The following THBS4 variants were observed in gnomAD, a reference collection of about 807,000 sequenced individuals.
The protein encoded by THBS4 is thrombospondin 4, also known as thrombospondin-4.
THBS4 carries 90 observed loss-of-function variants against 115.7 expected under a neutral mutation model. The observed-to-expected ratio is 0.78, with a 90% confidence interval of 0.66 to 0.93. The LOEUF (loss-of-function observed/expected upper bound fraction) is 0.93, where lower values mean the gene tolerates loss of function less well. Ranked by LOEUF, THBS4 falls within the 40% of genes least tolerant of loss-of-function variation. The probability of loss-of-function intolerance (pLI) is 0.00; values close to 1 mark genes in which losing one functional copy is unlikely to be tolerated. For synonymous variants in THBS4, 460 were observed against 479.3 expected, an observed-to-expected ratio of 0.96 and a Z score of 0.53; for missense variants, 1,087 against 1,232.7, an observed-to-expected ratio of 0.88 and a Z score of 1.77.
intron 16 of THBS4, 106 bp from the exon 17 acceptor site, chr5:80,077,943 G>A (rs1038556626): frequency 1.0e-6 from 1 of 967,542 alleles, no homozygotes; most frequent in Non-Finnish European, 1.4e-6. Flanking sequence ...GGCCCTGGTT[G>A]TGGGAGCTTG....
intron 2 of THBS4, among the ~76,000 whole-genome samples, chr5:80,050,048 C>T (rs909682939): frequency 6.6e-6 from 1 of 152,146 alleles, no homozygotes; most frequent in Non-Finnish European, 1.5e-5. Context: ...TAACCCTGCA[C>T]AATAACCAGC....
chr5:80,022,298 T>G (rs1484738275), intron 2 of THBS4, among the ~76,000 whole-genome samples: 1 of 152,184 alleles, frequency 6.6e-6, no homozygotes, highest in Non-Finnish European at 1.5e-5. Context: ...TACCCCAAGT[T>G]TTTAGTTATT....
chr5:80,058,938 T>A (rs1833528556), intron 5 of THBS4, 148 bp downstream of exon 5: 1 of 695,776 alleles, frequency 1.4e-6, no homozygotes, highest in Non-Finnish European at 2.4e-6. Context: ...GCCAGGGCTC[T>A]GCTGGAAGTT....
chr5:80,015,188 C>T (rs1219743021), intron 2 of THBS4, among the ~76,000 whole-genome samples: 1 of 152,246 alleles, frequency 6.6e-6, no homozygotes, highest in Non-Finnish European at 1.5e-5. Context: ...CCCTATCATA[C>T]TTTTCCTTTT....
chr5:80,063,374 G>T (rs1192947081), intron 8 of THBS4, among the ~76,000 whole-genome samples: 2 of 152,110 alleles, frequency 1.3e-5, no homozygotes, highest in Non-Finnish European at 2.9e-5. Flanking sequence ...TTTTGATGGG[G>T]TTGTTTGATT....
At chr5:80,055,736 C>T in intron 2 of THBS4, 49 bp from the exon 3 acceptor site, 1 of 1,576,034 alleles carries the variant, frequency 6.3e-7, no homozygotes, top group South Asian at 1.2e-5. Flanking sequence ...CCCTCCACTT[C>T]CCCCTCTGCC....
chr5:80,034,415 T>G (rs1832646393), upstream of THBS4, among the ~76,000 whole-genome samples: 2 of 152,258 alleles, frequency 1.3e-5, no homozygotes, highest in Admixed American at 1.3e-4. Context: ...AGCAATACTT[T>G]GCTGGATGTT....
chr5:80,015,895 A>G (rs1011273516), intron 2 of THBS4, among the ~76,000 whole-genome samples: 15 of 152,246 alleles, frequency 9.9e-5, no homozygotes, highest in African/African-American at 3.6e-4. Flanking sequence ...CCTGGCAAGT[A>G]CATTCTTAGA....
rs184447454 is a variant in THBS4 at position 80,082,725 on chromosome 5, A to G, written c.2824+180A>G. ...AGATCACATTTATCCTATTTTATCC[A>G]TGTGGAAATTAAGACCCATAGAATT... is the stretch of plus-strand genomic sequence containing the variant. On this transcript the variant is annotated intron_variant, in intron 21 of 21. Transcript: ENST00000350881. 5.8e-4 allele frequency among the ~76,000 whole-genome samples: 88 copies of G among 152,354 alleles called. No individual in the cohort carries two copies. In the East Asian group the frequency reaches 8.1e-3, roughly 14 times the overall value.
rs558661039 is a variant in THBS4 at position 80,070,699 on chromosome 5, T to C, written c.1509T>C (p.Ile503=). The change falls in exon 12 of 22, where the codon ATT becomes ATC. Residue 503 remains isoleucine (I), a synonymous_variant. Coordinates refer to ENST00000350881, the MANE Select transcript of THBS4 (RefSeq NM_003248.6). ...AAGAAGATGCAGACAGAGATGGCATTGGCGACGCTTGTGACGAGGATGCTG... is the reference window on the plus strand; with the variant it reads ...AAGAAGATGCAGACAGAGATGGCATCGGCGACGCTTGTGACGAGGATGCTG... ...SGQEDADRDG[I]GDACDEDADG... 2.0e-4 allele frequency: 318 copies of C among 1,614,188 alleles called. 5 individuals carry two copies. In the South Asian group the frequency reaches 3.4e-3, roughly 17 times the overall value.
intron 10 of THBS4, among the ~76,000 whole-genome samples, chr5:80,069,080 C>G (rs1833941158): frequency 6.6e-6 from 1 of 152,234 alleles, no homozygotes; most frequent in African/African-American, 2.4e-5. Flanking sequence ...CTCCTCTGCA[C>G]TTCCTGGGAT....
Position 80,078,204 on chromosome 5 carries a change from C to T in THBS4, c.2242C>T (p.Pro748Ser). 1 of 1,600,530 alleles carries T rather than the reference C, an allele frequency of 6.2e-7. No homozygotes were observed. Residue 748 changes from proline (P) to serine (S), a missense_variant, in exon 17 of 22, where the codon CCC becomes TCC. Around this residue, in one of 3 missense-constraint regions of THBS4, gnomAD observed 979 missense variants for 1,103.7 expected, o/e 0.89. Coordinates refer to ENST00000350881, the MANE Select transcript of THBS4 (RefSeq NM_003248.6). The part of the protein sequence containing the change: ...LDPEGDAQID[P>S]NWVVLNQGME... ...TCCTGAAGGGGATGCCCAGATCGATCCCAACTGGGTGGTCCTGAACCAGGT... is the reference window on the plus strand; with the variant it reads ...TCCTGAAGGGGATGCCCAGATCGATTCCAACTGGGTGGTCCTGAACCAGGT...
intron 1 of THBS4, among the ~76,000 whole-genome samples, chr5:79,992,538 T>C (rs917401389): frequency 1.3e-5 from 2 of 152,214 alleles, no homozygotes; most frequent in Admixed American, 1.3e-4. Flanking sequence ...AAAAGAGATA[T>C]GTCAGAAATG....
chr5:80,058,149 G>A (rs1833492100), intron 3 of THBS4, 57 bp from the exon 4 acceptor site: 1 of 1,355,642 alleles, frequency 7.4e-7, no homozygotes, highest in Admixed American at 2.0e-5. Flanking sequence ...GAGTAGGCAA[G>A]CACATTGGCT....
chr5:80,079,448 T>C (rs1391754337), intron 19 of THBS4, among the ~76,000 whole-genome samples, 190 bp downstream of exon 19: 1 of 152,198 alleles, frequency 6.6e-6, no homozygotes, highest in Non-Finnish European at 1.5e-5. Context: ...TTCTAACCTC[T>C]CATGGTGGGA....
chr5:80,061,808 C>T lies in THBS4; in HGVS notation c.1101C>T (p.Ile367=), dbSNP rs1424976878. 1.9e-6 allele frequency: 3 copies of T among 1,610,062 alleles called. No individual in the cohort carries two copies. Among genetic ancestry groups the T allele is most frequent in the Non-Finnish European group, 2.5e-6 (3 of 1,178,734 alleles). ...FTGPMVQGVG[I]SFAKSNKQVC... ...GGCCCATGGTGCAGGGTGTTGGGAT[C>T]AGTTTTGCCAAGTCAAACAAGCAGG... The change falls in exon 8 of 22, where the codon ATC becomes ATT. Residue 367 remains isoleucine (I), a synonymous_variant. Coordinates refer to ENST00000350881, the MANE Select transcript of THBS4 (RefSeq NM_003248.6).
At chr5:80,082,612 T>G in intron 21 of THBS4, 67 bp downstream of exon 21, 1 of 1,583,828 alleles carries the variant, frequency 6.3e-7, no homozygotes. Context: ...CACCTTATTT[T>G]TATACCGCAC....
chr5:79,994,049 A>G (rs1311991928), intron 1 of THBS4, among the ~76,000 whole-genome samples: 1 of 152,256 alleles, frequency 6.6e-6, no homozygotes, highest in Non-Finnish European at 1.5e-5. Flanking sequence ...TCATTCATTT[A>G]TAAAGCAAAA....
At chr5:79,996,256 T>G (rs1204922394) in intron 1 of THBS4, among the ~76,000 whole-genome samples, 2 of 152,168 alleles carry the variant, frequency 1.3e-5, no homozygotes, top group Non-Finnish European at 2.9e-5. Flanking sequence ...AGGCGATAAA[T>G]CAAGGGAGAG....
Sources: allele counts gnomAD v4.1 joint callset (sites outside exome capture counted in the v4.1 genomes callset), GRCh38; gene constraint gnomAD v4.1.1; regional missense constraint gnomAD v4.1.1; transcripts MANE v1.5; gene names NCBI Gene and HGNC (gene_info 2026-07-23, HGNC 2026-07-21).